ARHGEF10L: variants seen among roughly 807,000 people sequenced by gnomAD.
ARHGEF10L encodes the protein rho guanine nucleotide exchange factor 10-like protein.
In ARHGEF10L, 69 loss-of-function variants were observed where a neutral mutation model predicts 141.2. That is an observed-to-expected ratio of 0.49 (90% CI 0.40 to 0.60). ARHGEF10L has a LOEUF of 0.60. ARHGEF10L is among the 20% of genes least tolerant of loss of function. The pLI is 0.00. For synonymous variants in ARHGEF10L, 711 were observed against 718.5 expected (o/e 0.99, Z 0.17); for missense variants, 1,482 against 1,734.3 (o/e 0.85, Z 2.58).
chr1:17,521,771 T>C, the ARHGEF10L span, among the ~76,000 whole-genome samples: 1 of 152,148 alleles, frequency 6.6e-6, no homozygotes, highest in Non-Finnish European at 1.5e-5. Flanking sequence ...TCTTAGCTGC[T>C]GTACTTGGCT....
chr1:17,568,868 ATTGAAGCCATCCC>A (rs2077874394), intron 1 of ARHGEF10L, among the ~76,000 whole-genome samples: 2 of 152,056 alleles, frequency 1.3e-5, no homozygotes, highest in Non-Finnish European at 2.9e-5. Flanking sequence ...CCTTTTAATG[ATTGAAGCCATCCC>A]TCCCTGCTCT....
chr1:17,663,596 C>T (rs1161705417), intron 25 of ARHGEF10L, among the ~76,000 whole-genome samples: 4 of 151,360 alleles, frequency 2.6e-5, no homozygotes, highest in Non-Finnish European at 5.9e-5. Context: ...CTCCACCTCA[C>T]CTGGCAGCAG....
At chr1:17,602,449 C>T (rs2100945569) in intron 5 of ARHGEF10L, among the ~76,000 whole-genome samples, 1 of 152,336 alleles carries the variant, frequency 6.6e-6, no homozygotes, top group South Asian at 2.1e-4. Flanking sequence ...GTTCCCACAA[C>T]AGGCCAGGGC....
chr1:17,605,756 C>T (rs2081115432), intron 6 of ARHGEF10L, among the ~76,000 whole-genome samples: 1 of 152,170 alleles, frequency 6.6e-6, no homozygotes, highest in Non-Finnish European at 1.5e-5. Context: ...AGGCGTGGAC[C>T]TGCCACATGC....
At chr1:17,676,292 G>GC (rs1291947586) in intron 26 of ARHGEF10L, among the ~76,000 whole-genome samples, 1 of 134,018 alleles carries the variant, frequency 7.5e-6, no homozygotes, top group African/African-American at 2.9e-5. Flanking sequence ...AGGTGTGGGT[G>GC]AGGTGTAGAT....
the ARHGEF10L span, among the ~76,000 whole-genome samples, chr1:17,533,647 G>C: frequency 6.6e-6 from 1 of 152,132 alleles, no homozygotes; most frequent in Non-Finnish European, 1.5e-5. Context: ...TGCAGGTCTT[G>C]GGTTATGAAG....
chr1:17,570,767 A>G (rs980276932), intron 1 of ARHGEF10L, among the ~76,000 whole-genome samples: 1 of 151,972 alleles, frequency 6.6e-6, no homozygotes, highest in Non-Finnish European at 1.5e-5. Flanking sequence ...CCATGGTGGT[A>G]CTGTGGAGGG....
At chr1:17,618,213 G>T (rs1159678006) in intron 9 of ARHGEF10L, 2 of 1,037,126 alleles carry the variant, frequency 1.9e-6, no homozygotes, top group African/African-American at 3.4e-5. Context: ...ACTCTTCCTG[G>T]GTCACCCTCC....
chr1:17,666,267 G>A (rs955528556), intron 26 of ARHGEF10L, among the ~76,000 whole-genome samples: 1 of 152,216 alleles, frequency 6.6e-6, no homozygotes, highest in Non-Finnish European at 1.5e-5. Flanking sequence ...GTGAGATGAT[G>A]CTTGGAAGCC....
chr1:17,650,276 G>A (rs1224559582), intron 22 of ARHGEF10L, among the ~76,000 whole-genome samples: 2 of 151,604 alleles, frequency 1.3e-5, no homozygotes, highest in Non-Finnish European at 2.9e-5. Flanking sequence ...AATTAGCCAG[G>A]TGTGCCATGA....
intron 25 of ARHGEF10L, among the ~76,000 whole-genome samples, chr1:17,661,787 C>G (rs1239759727): frequency 6.6e-6 from 1 of 152,264 alleles, no homozygotes; most frequent in South Asian, 2.1e-4. Context: ...ATTTTCTTGG[C>G]TCCAGCCTCC....
At position 17,602,317 on chromosome 1, in the gene ARHGEF10L, C is replaced by A. The variant is rs562974269; in HGVS notation, c.349+99C>A. On this transcript the variant is annotated intron_variant, in intron 5 of 28. Coordinates refer to ENST00000361221, the MANE Select transcript of ARHGEF10L (RefSeq NM_018125.4). The stretch of plus-strand genomic sequence containing the variant: ...AGAGCTGATGTGGGCTCCTGTGAGC[C>A]CAGGGTTCATCCTCACCGGGGGCTT... 8.0e-6 allele frequency: 11 copies of A among 1,383,450 alleles called. No individual in the cohort carries two copies. The Admixed American group carries it at 2.2e-4, about 28-fold the overall frequency. The allele number at this position is 1,383,450 out of a possible 1,614,324, so 85.7% of individuals were successfully genotyped here.
chr1:17,579,811 G>A (rs913291685), intron 1 of ARHGEF10L, among the ~76,000 whole-genome samples: 5 of 152,166 alleles, frequency 3.3e-5, no homozygotes, highest in Admixed American at 6.5e-5. Context: ...AGTAGGGAGC[G>A]GGGGCAGGGT....
rs1227415652 is a variant in ARHGEF10L, at chr1:17,654,799, C to T, written c.2481+77C>T. The T allele has an allele frequency of 1.5e-6, 2 of 1,334,952 alleles. No homozygotes were observed. Among genetic ancestry groups the T allele is most frequent in the Admixed American group, 1.7e-5 (1 of 59,474 alleles). The allele number at this position is 1,334,952 out of a possible 1,614,324, so 82.7% of individuals were successfully genotyped here. ...GGAGAGCGGCACCTGGGAGGGGGTG[C>T]TGGAGACAGCAGCTGCCTGCCTCAT... On this transcript the variant is annotated intron_variant, in intron 23 of 28. Coordinates refer to ENST00000361221, the MANE Select transcript of ARHGEF10L (RefSeq NM_018125.4). This position sits in a 1 kb window ranked among gnomAD's most constrained non-coding sequence, Gnocchi z 4.3.
chr1:17,516,091 C>T, the ARHGEF10L span, among the ~76,000 whole-genome samples: 1 of 152,236 alleles, frequency 6.6e-6, no homozygotes, highest in South Asian at 2.1e-4. Context: ...TAGGTGGGCA[C>T]AGCTGCTGCT....
At position 17,607,882 on chromosome 1, in the gene ARHGEF10L, A is replaced by G; in HGVS notation, c.514A>G (p.Ser172Gly). ...RQAEDLGWSSSEFESYSEDSG... is the reference protein window; with the variant it reads ...RQAEDLGWSSGEFESYSEDSG... Reference sequence around the variant, plus strand: ...GGCGGAGGACCTAGGCTGGAGCTCCAGTGAGTTCGAGAGCTACAGCGAGGA... The same window carrying G: ...GGCGGAGGACCTAGGCTGGAGCTCCGGTGAGTTCGAGAGCTACAGCGAGGA... Residue 172 changes from serine to glycine, a missense_variant, in exon 7 of 29, where the codon AGT (serine) becomes GGT (glycine). Physicochemically the swap from Ser to Gly is moderately conservative, Grantham distance 56 (BLOSUM62 0). This residue lies in a region of ARHGEF10L where 392 missense variants were observed against 542.1 expected (regional missense o/e 0.72). Coordinates refer to ENST00000361221, the MANE Select transcript of ARHGEF10L (RefSeq NM_018125.4). The surrounding 1 kb of genome is among the most constrained non-coding windows in gnomAD (Gnocchi z 4.5). The G allele has an allele frequency of 5.1e-6, 8 of 1,577,438 alleles. No individual in the cohort carries two copies. The highest frequency in any genetic ancestry group is 6.0e-6 in the Non-Finnish European group (7 of 1,164,256).
intron 8 of ARHGEF10L, among the ~76,000 whole-genome samples, chr1:17,613,581 A>G (rs879236324): frequency 6.6e-6 from 1 of 152,224 alleles, no homozygotes; most frequent in Admixed American, 6.5e-5. Flanking sequence ...CATAATCTGC[A>G]CAGTTGGGGT....
At chr1:17,531,999 C>T in the ARHGEF10L span, among the ~76,000 whole-genome samples, 21 of 152,070 alleles carry the variant, frequency 1.4e-4, no homozygotes, top group African/African-American at 4.8e-4. Flanking sequence ...GAGCTGAGCA[C>T]CCCCCACCAC....
chr1:17,609,978 CG>C (rs1422756875), intron 7 of ARHGEF10L, among the ~76,000 whole-genome samples: 2 of 152,218 alleles, frequency 1.3e-5, no homozygotes, highest in East Asian at 3.8e-4. Flanking sequence ...ATGGGGCTCT[CG>C]AGTCCTGGCC....
Sources: allele counts gnomAD v4.1 joint callset (sites outside exome capture counted in the v4.1 genomes callset), GRCh38; gene constraint gnomAD v4.1.1; regional missense constraint gnomAD v4.1.1; non-coding constraint Gnocchi (gnomAD v3.1); transcripts MANE v1.5; gene names NCBI Gene and HGNC (gene_info 2026-07-23, HGNC 2026-07-21).